The following MYO10 variants were observed in gnomAD, a reference collection of about 807,000 sequenced individuals.
MYO10 encodes the protein unconventional myosin-X.
A neutral mutation model predicts 257.3 loss-of-function variants in MYO10; 133 were observed. That is an observed-to-expected ratio of 0.52 (90% confidence interval 0.45 to 0.60). The LOEUF is 0.60. Ranked by LOEUF, MYO10 falls within the 20% of genes least tolerant of loss-of-function variation. The pLI is 0.00. For synonymous variants in MYO10, 1,104 were observed against 1,028.6 expected (o/e 1.07, Z -1.40); for missense variants, 2,399 against 2,635.7 (o/e 0.91, Z 1.97).
chr5:16,766,465 C>T (rs1289379435), intron 10 of MYO10, among the ~76,000 whole-genome samples: 1 of 152,152 alleles, frequency 6.6e-6, no homozygotes, highest in Non-Finnish European at 1.5e-5. Context: ...GACGGAGTCT[C>T]GCTCTGTCGC....
chr5:16,876,835 G>A (rs974149897), intron 2 of MYO10, among the ~76,000 whole-genome samples: 5 of 152,178 alleles, frequency 3.3e-5, no homozygotes, highest in African/African-American at 1.2e-4. Flanking sequence ...GATTACCGGC[G>A]TGAGCCACTG....
At chr5:16,841,564 T>G (rs1743482321) in intron 2 of MYO10, among the ~76,000 whole-genome samples, 1 of 152,172 alleles carries the variant, frequency 6.6e-6, no homozygotes, top group Admixed American at 6.6e-5. Flanking sequence ...AGATTAATGT[T>G]CATTTGAAAA....
At chr5:16,934,217 C>T (rs1247043533) in intron 1 of MYO10, among the ~76,000 whole-genome samples, 1 of 152,242 alleles carries the variant, frequency 6.6e-6, no homozygotes, top group Non-Finnish European at 1.5e-5. Context: ...TCCTGATGTT[C>T]CCCCCACTTG....
intron 2 of MYO10, among the ~76,000 whole-genome samples, chr5:16,841,465 C>G (rs913614540): frequency 2.0e-5 from 3 of 152,178 alleles, no homozygotes; most frequent in Non-Finnish European, 2.9e-5. Context: ...CTTAAAATGT[C>G]TTTAAGTTAA....
At chr5:16,915,266 T>C (rs1286660822) in intron 1 of MYO10, among the ~76,000 whole-genome samples, 5 of 152,292 alleles carry the variant, frequency 3.3e-5, no homozygotes, top group East Asian at 1.9e-4. Context: ...AAGCCATAGG[T>C]AGTTCATCTC....
At chr5:16,883,810 G>GA (rs1554005941) in intron 1 of MYO10, among the ~76,000 whole-genome samples, 4 of 152,080 alleles carry the variant, frequency 2.6e-5, no homozygotes, top group Non-Finnish European at 5.9e-5. Context: ...AACTCTGATT[G>GA]AAAAAATAAG....
chr5:16,738,716 C>T (rs1161624585), intron 19 of MYO10, among the ~76,000 whole-genome samples: 2 of 151,826 alleles, frequency 1.3e-5, no homozygotes, highest in African/African-American at 4.8e-5. Context: ...CATGGTGAAA[C>T]CCTGTCTCTA....
rs1332140929 is a variant in MYO10 at position 16,673,812 on chromosome 5, C to T, written c.5042G>A (p.Cys1681Tyr). 1.9e-5 allele frequency: 31 copies of T among 1,613,852 alleles called. No homozygotes were observed. Among genetic ancestry groups the T allele is most frequent in the Non-Finnish European group, 2.5e-5 (30 of 1,179,906 alleles). The change falls in exon 36 of 41, where the codon TGC (cysteine) becomes TAC (tyrosine). Residue 1681 changes from cysteine to tyrosine, a missense_variant. Physicochemically the swap from Cys to Tyr is radical, Grantham distance 194. Transcript: ENST00000513610. ...ATCTCGGGAAGGCACAAACTCTCGG[C>T]ATTTGGTTTTCTTAAGAGATTCGTA... ...FTYESLKKTK[C>Y]REFVPSRDEI...
chr5:16,711,048 A>AC (rs1023442251), intron 20 of MYO10, 26 bp from the exon 21 acceptor site: 1 of 1,613,284 alleles, frequency 6.2e-7, no homozygotes, highest in African/African-American at 1.3e-5. Context: ...ACACAGGGTC[A>AC]CCTTCTGCGA....
At chr5:16,846,853 C>T (rs1248398861) in intron 2 of MYO10, among the ~76,000 whole-genome samples, 2 of 152,238 alleles carry the variant, frequency 1.3e-5, no homozygotes, top group East Asian at 3.8e-4. Context: ...TGCGGTGGCT[C>T]ACGCCTGTAA....
chr5:16,749,454 T>C (rs1326023630), intron 19 of MYO10, among the ~76,000 whole-genome samples: 1 of 142,830 alleles, frequency 7.0e-6, no homozygotes. Flanking sequence ...GCCACTGCAC[T>C]CCAGCCTGGG....
intron 2 of MYO10, among the ~76,000 whole-genome samples, chr5:16,839,945 G>A (rs1414012871): frequency 1.3e-5 from 2 of 152,162 alleles, no homozygotes; most frequent in African/African-American, 4.8e-5. Flanking sequence ...CTCATTGTAA[G>A]TCGAGGGGCG....
intron 2 of MYO10, among the ~76,000 whole-genome samples, chr5:16,846,140 T>C (rs746899717): frequency 6.6e-6 from 1 of 152,206 alleles, no homozygotes. Context: ...CTCACAGATC[T>C]TGGCAAACTT....
At chr5:16,822,541 G>A (rs1007872378) in intron 2 of MYO10, among the ~76,000 whole-genome samples, 34 of 152,150 alleles carry the variant, frequency 2.2e-4, no homozygotes, top group African/African-American at 8.2e-4. Flanking sequence ...GTATTCAGGG[G>A]CAGCCTGATG....
At chr5:16,668,508 T>A in intron 39 of MYO10, 40 bp from the exon 40 acceptor site, 1 of 1,525,970 alleles carries the variant, frequency 6.6e-7, no homozygotes, top group Admixed American at 2.1e-5. Flanking sequence ...AGTCATGAAG[T>A]GGTTGGCAAC....
intron 4 of MYO10, among the ~76,000 whole-genome samples, chr5:16,793,687 T>A (rs768557354): frequency 6.6e-6 from 1 of 152,114 alleles, no homozygotes; most frequent in Non-Finnish European, 1.5e-5. Flanking sequence ...CCCAGCACTT[T>A]GGGATGCTGA....
At chr5:16,763,978 C>T (rs1433433088) in intron 12 of MYO10, among the ~76,000 whole-genome samples, 2 of 151,974 alleles carry the variant, frequency 1.3e-5, no homozygotes, top group Non-Finnish European at 2.9e-5. Context: ...AACCCCGTCT[C>T]TATTGAAAAT....
chr5:16,891,381 AGAGAGAGAGGAAGG>A (rs1745054644), intron 1 of MYO10, among the ~76,000 whole-genome samples: 1 of 110,604 alleles, frequency 9.0e-6, no homozygotes. Context: ...GGAAGGAAGG[AGAGAGAGAGGAAGG>A]AGGAAGGAGG....
At chr5:16,806,627 G>A (rs1408839595) in intron 3 of MYO10, among the ~76,000 whole-genome samples, 4 of 144,418 alleles carry the variant, frequency 2.8e-5, no homozygotes, top group African/African-American at 1.0e-4. Context: ...CAACCTGGGC[G>A]ACAGAGCAAG....
Sources: allele counts gnomAD v4.1 joint callset (sites outside exome capture counted in the v4.1 genomes callset), GRCh38; gene constraint gnomAD v4.1.1; transcripts MANE v1.5; gene names NCBI Gene and HGNC (gene_info 2026-07-23, HGNC 2026-07-21).